Variants in COL10A1 observed in about 807,000 individuals in gnomAD.
COL10A1 encodes collagen type X alpha 1 chain.
In COL10A1, 10 loss-of-function variants were observed where a neutral mutation model predicts 18.2. The observed-to-expected ratio is 0.55, with a 90% CI of 0.34 to 0.93. COL10A1 has a LOEUF of 0.93. Among genes scored for constraint, COL10A1 ranks in the 40% least tolerant of loss-of-function variants. COL10A1 has a pLI of 0.02. For synonymous variants in COL10A1, 330 were observed against 316.6 expected, an observed-to-expected ratio of 1.04 and a Z score of -0.45; for missense variants, 897 against 853.5, an observed-to-expected ratio of 1.05 and a Z score of -0.64.
chr6:116,128,045 A>G (rs1411427580), upstream of COL10A1, among the ~76,000 whole-genome samples: 2 of 152,112 alleles, frequency 1.3e-5, no homozygotes, highest in African/African-American at 4.8e-5. Flanking sequence ...CCATGGTCAG[A>G]TGGTAGACTT....
At chr6:116,190,461 T>G in the COL10A1 span, among the ~76,000 whole-genome samples, 1 of 151,872 alleles carries the variant, frequency 6.6e-6, no homozygotes, top group African/African-American at 2.4e-5. Flanking sequence ...AGGAAGACAG[T>G]AGATAGGTTA....
intron 1 of COL10A1, among the ~76,000 whole-genome samples, chr6:116,153,700 A>G (rs942791425): frequency 5.3e-5 from 8 of 152,260 alleles, no homozygotes; most frequent in African/African-American, 1.9e-4. Context: ...TTTCACTGGC[A>G]ACAGACAGTT....
chr6:116,213,427 A>T, the COL10A1 span, among the ~76,000 whole-genome samples: 2 of 152,102 alleles, frequency 1.3e-5, no homozygotes, highest in African/African-American at 4.8e-5. Context: ...TCCAACAGGT[A>T]AGGAGTCGAA....
chr6:116,140,626 T>C (rs1315513049), intron 1 of COL10A1, among the ~76,000 whole-genome samples: 2 of 152,172 alleles, frequency 1.3e-5, no homozygotes, highest in Admixed American at 6.5e-5. Flanking sequence ...TAGTTAATTA[T>C]GCTGAGTCTT....
intron 1 of COL10A1, among the ~76,000 whole-genome samples, chr6:116,157,264 C>T (rs1276248892): frequency 6.6e-6 from 1 of 152,102 alleles, no homozygotes; most frequent in Non-Finnish European, 1.5e-5. Context: ...AATTACAGTG[C>T]TCTGAGTTTC....
chr6:116,215,356 G>A, the COL10A1 span, among the ~76,000 whole-genome samples: 1 of 152,132 alleles, frequency 6.6e-6, no homozygotes, highest in African/African-American at 2.4e-5. Context: ...TGGAGCCTAA[G>A]CTGACTGTAA....
chr6:116,201,480 A>G, the COL10A1 span, among the ~76,000 whole-genome samples: 1 of 152,022 alleles, frequency 6.6e-6, no homozygotes, highest in East Asian at 1.9e-4. Context: ...AAATTTCCCT[A>G]ATGAGACCAG....
chr6:116,170,762 G>A, the COL10A1 span, among the ~76,000 whole-genome samples: 1 of 152,158 alleles, frequency 6.6e-6, no homozygotes, highest in East Asian at 1.9e-4. Flanking sequence ...AAATACCTCT[G>A]AAATCAACTG....
At chr6:116,164,860 G>A in the COL10A1 span, among the ~76,000 whole-genome samples, 1 of 152,078 alleles carries the variant, frequency 6.6e-6, no homozygotes, top group African/African-American at 2.4e-5. Context: ...GAGGCAGGCA[G>A]ATCATAAGGT....
chr6:116,126,461 G>A (rs948668376), upstream of COL10A1, among the ~76,000 whole-genome samples: 4 of 152,026 alleles, frequency 2.6e-5, no homozygotes, highest in African/African-American at 9.7e-5. Context: ...ACATTCTTAT[G>A]TTAATTGGTT....
At chr6:116,133,610 A>G (rs2114338336) in intron 1 of COL10A1, among the ~76,000 whole-genome samples, 1 of 152,314 alleles carries the variant, frequency 6.6e-6, no homozygotes, top group East Asian at 1.9e-4. Context: ...ATTTAACTTA[A>G]TCATACTAAC....
chr6:116,146,031 C>G (rs749314298), intron 1 of COL10A1, among the ~76,000 whole-genome samples: 1 of 152,190 alleles, frequency 6.6e-6, no homozygotes, highest in Non-Finnish European at 1.5e-5. Flanking sequence ...AAAGGATGTC[C>G]TCCTCGTTTT....
intron 1 of COL10A1, among the ~76,000 whole-genome samples, chr6:116,143,542 G>T (rs1779817897): frequency 6.6e-6 from 1 of 151,956 alleles, no homozygotes; most frequent in Non-Finnish European, 1.5e-5. Context: ...TTTTGTTCAG[G>T]TTGAATTTGT....
the COL10A1 span, among the ~76,000 whole-genome samples, chr6:116,213,722 A>G: frequency 6.6e-6 from 1 of 152,054 alleles, no homozygotes; most frequent in African/African-American, 2.4e-5. Flanking sequence ...ATGAGCTACT[A>G]AAAACTAATG....
chr6:116,127,307 A>G (rs1779342742), upstream of COL10A1, among the ~76,000 whole-genome samples: 5 of 152,140 alleles, frequency 3.3e-5, no homozygotes, highest in Admixed American at 6.5e-5. Context: ...AAAGCCTTGT[A>G]TAGCCCTTTA....
Position 116,125,633 on chromosome 6 carries a change from A to G in COL10A1, c.-15-126T>C, listed in dbSNP as rs963083880. The G allele has an allele frequency of 7.9e-6, 6 of 762,344 alleles. No homozygotes were observed. In the African/African-American group the frequency reaches 8.9e-5, roughly 11 times the overall value. 47.2% of individuals were successfully genotyped at this position (762,344 alleles called of 1,614,324 possible). On this transcript the variant is annotated intron_variant, in intron 1 of 2. Transcript: ENST00000651968. Reference sequence around the variant, plus strand: ...TTAACCTATCCTATATATTTTTAATATGTGCCATAAATAAATGAGAGATCA... The same window carrying G: ...TTAACCTATCCTATATATTTTTAATGTGTGCCATAAATAAATGAGAGATCA...
the COL10A1 span, among the ~76,000 whole-genome samples, chr6:116,179,693 C>G: frequency 6.6e-6 from 1 of 152,142 alleles, no homozygotes; most frequent in African/African-American, 2.4e-5. Flanking sequence ...TGACAGGAAT[C>G]TAAATCAGCT....
intron 1 of COL10A1, among the ~76,000 whole-genome samples, chr6:116,141,717 G>T (rs1317428474): frequency 6.7e-6 from 1 of 150,238 alleles, no homozygotes; most frequent in African/African-American, 2.4e-5. Context: ...AAGTTACTTT[G>T]CTTCTTATGT....
At position 116,156,484 on chromosome 6, in the gene COL10A1, A is replaced by G. The variant is rs184764348; in HGVS notation, c.-16+2130T>C. 6.0e-4 allele frequency among the ~76,000 whole-genome samples: 92 copies of G among 152,328 alleles called. 2 individuals are homozygous for G. In the East Asian group the frequency reaches 8.3e-3, roughly 14 times the overall value. On this transcript the variant is annotated intron_variant, in intron 1 of 1. Coordinates refer to the COL10A1 transcript ENST00000418500. Reference sequence around the variant, plus strand: ...CATAAGGGATTACTATGCTGTGTATAGTGCAAAGTAAAAAGGAATGCGTCT... The same window carrying G: ...CATAAGGGATTACTATGCTGTGTATGGTGCAAAGTAAAAAGGAATGCGTCT...
Sources: allele counts gnomAD v4.1 joint callset (sites outside exome capture counted in the v4.1 genomes callset), GRCh38; gene constraint gnomAD v4.1.1; transcripts MANE v1.5; gene names NCBI Gene and HGNC (gene_info 2026-07-23, HGNC 2026-07-21).